Variants in SLC35F3 observed in about 807,000 individuals in gnomAD.
SLC35F3 encodes solute carrier family 35 member F3.
SLC35F3 carries 25 observed loss-of-function variants against 49.9 expected under a neutral mutation model. That is an observed-to-expected ratio of 0.50 (90% confidence interval 0.37 to 0.70). The LOEUF (loss-of-function observed/expected upper bound fraction) is 0.70. Ranked by LOEUF, SLC35F3 falls within the 30% of genes least tolerant of loss-of-function variation. The pLI, the probability that SLC35F3 is intolerant of heterozygous loss-of-function variation, is 0.00. For synonymous variants in SLC35F3, 275 were observed against 265.4 expected, an observed-to-expected ratio of 1.04 and a Z score of -0.35; for missense variants, 525 against 639.8, an observed-to-expected ratio of 0.82 and a Z score of 1.94.
Position 234,319,011 on chromosome 1 carries a change from G to C in SLC35F3, c.1147+68G>C. 3 of 1,336,748 alleles carry C rather than the reference G, an allele frequency of 2.2e-6. No homozygotes were observed. The South Asian group carries it at 4.0e-5, about 18-fold the overall frequency. The allele number at this position is 1,336,748 out of a possible 1,614,324, so 82.8% of individuals were successfully genotyped here. Reference sequence around the variant, plus strand: ...CCCACAGAGGACCCTCAGGAAACATGTTCCCTGAAGGCAGAAAACAGTGCT... The same window carrying C: ...CCCACAGAGGACCCTCAGGAAACATCTTCCCTGAAGGCAGAAAACAGTGCT... On this transcript the variant is annotated intron_variant, in intron 6 of 7. Transcript: ENST00000366618.
chr1:234,206,314 G>A (rs1250469921), intron 2 of SLC35F3, among the ~76,000 whole-genome samples: 1 of 151,998 alleles, frequency 6.6e-6, no homozygotes, highest in Admixed American at 6.6e-5. Context: ...AGTCGGGGAG[G>A]AGAGCCGGTT....
intron 3 of SLC35F3, among the ~76,000 whole-genome samples, chr1:234,299,183 T>A (rs748748990): frequency 2.0e-5 from 3 of 152,136 alleles, no homozygotes; most frequent in Non-Finnish European, 4.4e-5. Context: ...CATTGACTGA[T>A]ACCTAAACTG....
intron 2 of SLC35F3, among the ~76,000 whole-genome samples, chr1:234,223,283 G>A (rs893128305): frequency 3.9e-5 from 6 of 152,158 alleles, no homozygotes; most frequent in African/African-American, 1.4e-4. Flanking sequence ...AGATGGTGAT[G>A]ATGGGTGGGA....
At chr1:234,295,837 C>A (rs776171252) in intron 3 of SLC35F3, among the ~76,000 whole-genome samples, 1 of 152,208 alleles carries the variant, frequency 6.6e-6, no homozygotes, top group Non-Finnish European at 1.5e-5. Context: ...GGGACTCTGA[C>A]GGGCACCCTC....
At chr1:234,155,420 A>G (rs1033605753) in intron 2 of SLC35F3, among the ~76,000 whole-genome samples, 1 of 151,406 alleles carries the variant, frequency 6.6e-6, no homozygotes, top group Non-Finnish European at 1.5e-5. Flanking sequence ...TATTATTATT[A>G]TTTTTGAGAG....
At chr1:234,011,226 G>A (rs1052485988) in intron 2 of SLC35F3, among the ~76,000 whole-genome samples, 6 of 151,910 alleles carry the variant, frequency 3.9e-5, no homozygotes, top group African/African-American at 1.5e-4. Context: ...TAGTCATCAC[G>A]GTGGTGGATT....
intron 2 of SLC35F3, among the ~76,000 whole-genome samples, chr1:233,949,005 G>T (rs540628702): frequency 6.6e-6 from 1 of 152,208 alleles, no homozygotes; most frequent in Non-Finnish European, 1.5e-5. Context: ...GGTGGAACCA[G>T]CACTAGAGCC....
At chr1:234,163,598 G>A (rs1017590020) in intron 2 of SLC35F3, among the ~76,000 whole-genome samples, 46 of 152,214 alleles carry the variant, frequency 3.0e-4, no homozygotes, top group African/African-American at 1.1e-3. Flanking sequence ...GCAGACTGGG[G>A]CTGCTATGCC....
intron 7 of SLC35F3, among the ~76,000 whole-genome samples, chr1:234,321,135 G>A (rs991032602): frequency 2.7e-5 from 4 of 150,312 alleles, no homozygotes; most frequent in African/African-American, 9.7e-5. Context: ...CTTTCCTCAT[G>A]ACTTGGTTTC....
At chr1:234,149,568 A>G (rs985001689) in intron 2 of SLC35F3, among the ~76,000 whole-genome samples, 1 of 152,170 alleles carries the variant, frequency 6.6e-6, no homozygotes, top group Admixed American at 6.5e-5. Context: ...TTCATCCCTG[A>G]TGGCTTCCTC....
At chr1:234,308,977 T>C (rs1657279958) in intron 3 of SLC35F3, 124 bp from the exon 4 acceptor site, 2 of 671,620 alleles carry the variant, frequency 3.0e-6, no homozygotes, top group Non-Finnish European at 5.0e-6. Flanking sequence ...TTATTAAAAA[T>C]AATAAATTTT....
At position 233,908,770 on chromosome 1, in the gene SLC35F3, A is replaced by G. The variant is rs569953901; in HGVS notation, c.283+3012A>G. On this transcript the variant is annotated intron_variant, in intron 2 of 7. Transcript: ENST00000366618. ...AGGCTGGTCTCGAACTCCTGATCTC[A>G]TGATCTGCCCACCTCGGCCTCCCAA... Among the ~76,000 whole-genome samples the G allele has an allele frequency of 8.6e-4, 128 of 148,356 alleles. 1 individual carries two copies. Among genetic ancestry groups the G allele is most frequent in the Middle Eastern group, 3.7e-3 (1 of 268 alleles).
Position 234,231,430 on chromosome 1 carries a change from C to T in SLC35F3, c.297C>T (p.Pro99=). The T allele has an allele frequency of 6.3e-7, 1 of 1,576,318 alleles. No individual in the cohort carries two copies. The highest frequency in any genetic ancestry group is 8.6e-7 in the Non-Finnish European group (1 of 1,163,104). The change falls in exon 3 of 8, where the codon CCC becomes CCT. Residue 99 remains proline, a synonymous_variant. Coordinates refer to ENST00000366618, the MANE Select transcript of SLC35F3 (RefSeq NM_173508.4). The surrounding 1 kb of genome is among the most constrained non-coding windows in gnomAD (Gnocchi z 5.4). ...WAASCKREER[P]RDSPGPAEAQ... ...TCTCTTCCCCAGGGGAGGAGCGCCC[C>T]CGGGACTCCCCGGGCCCGGCGGAGG... is the stretch of plus-strand genomic sequence containing the variant.
At chr1:234,191,972 C>T (rs1666736786) in intron 2 of SLC35F3, among the ~76,000 whole-genome samples, 1 of 150,922 alleles carries the variant, frequency 6.6e-6, no homozygotes, top group African/African-American at 2.4e-5. Context: ...TAAAAATTAC[C>T]AACAAAAAAA....
chr1:234,019,855 T>C (rs1572021904), intron 2 of SLC35F3, among the ~76,000 whole-genome samples: 1 of 152,316 alleles, frequency 6.6e-6, no homozygotes, highest in Middle Eastern at 3.4e-3. Context: ...ATTTAGCGTG[T>C]AAGGTCCCTT....
intron 2 of SLC35F3, among the ~76,000 whole-genome samples, chr1:234,012,239 T>C (rs181630345): frequency 1.3e-3 from 202 of 152,334 alleles, no homozygotes; most frequent in African/African-American, 4.7e-3. Context: ...ATAGGGTGGT[T>C]TTTCTCCTAT....
Position 234,254,470 on chromosome 1 carries a change from TTAAA to T in SLC35F3, c.608+22732_608+22735del, listed in dbSNP as rs1174105061. Reference sequence around the variant, plus strand: ...TTCTCCCATCCAAGAATAATAATCTTTAAATAGGGTAAGGACAATGAAGCACAAA... The same window carrying T: ...TTCTCCCATCCAAGAATAATAATCTTTAGGGTAAGGACAATGAAGCACAAA... On this transcript the variant is annotated intron_variant, in intron 3 of 7. Coordinates refer to ENST00000366618, the MANE Select transcript of SLC35F3 (RefSeq NM_173508.4). Among the ~76,000 whole-genome samples, 3 of 152,084 alleles carry T rather than the reference TTAAA, an allele frequency of 2.0e-5. No homozygotes were observed. In the East Asian group the frequency reaches 5.8e-4, roughly 29 times the overall value.
chr1:233,991,109 T>C (rs180867423), intron 2 of SLC35F3, among the ~76,000 whole-genome samples: 1 of 152,290 alleles, frequency 6.6e-6, no homozygotes, highest in East Asian at 1.9e-4. Context: ...GCTGCAGTGG[T>C]GTCAGTAACT....
At chr1:234,003,809 C>A (rs189102599) in intron 2 of SLC35F3, among the ~76,000 whole-genome samples, 1 of 152,138 alleles carries the variant, frequency 6.6e-6, no homozygotes, top group East Asian at 1.9e-4. Flanking sequence ...TGCAAGCATT[C>A]GGTTCACAAA....
Sources: allele counts gnomAD v4.1 joint callset (sites outside exome capture counted in the v4.1 genomes callset), GRCh38; gene constraint gnomAD v4.1.1; non-coding constraint Gnocchi (gnomAD v3.1); transcripts MANE v1.5; gene names NCBI Gene and HGNC (gene_info 2026-07-23, HGNC 2026-07-21).